Variants in CFAP91 observed in about 807,000 individuals in gnomAD.
CFAP91 encodes cilia and flagella associated protein 91, also known as cilia- and flagella-associated protein 91.
Under a neutral mutation model 95.9 loss-of-function variants are expected in CFAP91, and 85 were observed. That is an observed-to-expected ratio of 0.89 (90% CI 0.74 to 1.06). The LOEUF is 1.06. Among genes scored for constraint, CFAP91 ranks in the 50% least tolerant of loss-of-function variants. CFAP91 has a pLI of 0.00. For missense variants in CFAP91, 962 were observed against 943.4 expected, an observed-to-expected ratio of 1.02 and a Z score of -0.26; for synonymous variants, 335 against 327.5, an observed-to-expected ratio of 1.02 and a Z score of -0.25.
At chr3:119,710,000 A>T in intron 5 of CFAP91, 105 bp downstream of exon 5, 1 of 854,392 alleles carries the variant, frequency 1.2e-6, no homozygotes, top group South Asian at 1.5e-5. Context: ...CAAATTGTGG[A>T]TCACAAAACA....
In CFAP91 at chr3:119,707,401, TAGAGA is replaced by T. The variant is rs1373629349; in HGVS notation, c.202-1_205del. ...GTCCTTTGCCTCCCTTCTCTAACAT[TAGAGA>T]AAAGTTCCCAGGTTTAAAACCATGT... On this transcript the variant is annotated splice_acceptor_variant and coding_sequence_variant, in exon 3 of 18. Transcript: ENST00000273390. LOFTEE classifies it high-confidence loss of function. 5.9e-6 allele frequency: 9 copies of T among 1,534,280 alleles called. No individual in the cohort carries two copies. Among genetic ancestry groups the T allele is most frequent in the Non-Finnish European group, 8.0e-6 (9 of 1,129,458 alleles).
At chr3:119,753,623 G>C (rs2054368804) in intron 17 of CFAP91, among the ~76,000 whole-genome samples, 1 of 152,178 alleles carries the variant, frequency 6.6e-6, no homozygotes. Context: ...GATAGAAACA[G>C]ACCTAAAAGG....
chr3:119,710,464 T>TGAGGGTGGAGTCCTC (rs1365064607), intron 5 of CFAP91: 1 of 152,400 alleles, frequency 6.6e-6, no homozygotes, highest in African/African-American at 2.4e-5. Context: ...AATCCATTGA[T>TGAGGGTGGAGTCCTC]GAGGGTGGAG....
At chr3:119,712,202 C>T (rs1274755158) in intron 5 of CFAP91, among the ~76,000 whole-genome samples, 1 of 152,202 alleles carries the variant, frequency 6.6e-6, no homozygotes, top group East Asian at 1.9e-4. Flanking sequence ...ATATTTTACT[C>T]TCCCCTAAAG....
intron 3 of CFAP91, 105 bp from the exon 4 acceptor site, chr3:119,708,486 T>G: frequency 2.2e-5 from 16 of 722,804 alleles, no homozygotes; most frequent in Non-Finnish European, 3.3e-5. Flanking sequence ...ACTCTCAGTA[T>G]GAGATACTCT....
intron 10 of CFAP91, among the ~76,000 whole-genome samples, chr3:119,736,517 C>T (rs891051167): frequency 6.6e-6 from 1 of 151,976 alleles, no homozygotes; most frequent in African/African-American, 2.4e-5. Flanking sequence ...ACCTCGTGAT[C>T]CACCCTCCTC....
chr3:119,708,957 G>C (rs1577196522), intron 4 of CFAP91, among the ~76,000 whole-genome samples: 1 of 151,532 alleles, frequency 6.6e-6, no homozygotes, highest in East Asian at 1.9e-4. Flanking sequence ...AAGCCTGCCT[G>C]ACTTTAGAGA....
intron 8 of CFAP91, among the ~76,000 whole-genome samples, chr3:119,730,869 G>A (rs1005970113): frequency 2.0e-5 from 3 of 152,122 alleles, no homozygotes; most frequent in Non-Finnish European, 4.4e-5. Flanking sequence ...AAAAGAGGAA[G>A]TATATGGTTT....
At chr3:119,753,472 G>T (rs2054364876) in intron 17 of CFAP91, among the ~76,000 whole-genome samples, 1 of 152,266 alleles carries the variant, frequency 6.6e-6, no homozygotes, top group South Asian at 2.1e-4. Context: ...CAAGGAACCT[G>T]CCAGAAATAA....
At chr3:119,716,080 G>A (rs1002964781) in intron 6 of CFAP91, 3 of 488,680 alleles carry the variant, frequency 6.1e-6, no homozygotes, top group Non-Finnish European at 1.1e-5. Context: ...TTAAACATAA[G>A]CTTTGAGTGT....
At chr3:119,722,702 C>T (rs1473443289) in intron 6 of CFAP91, among the ~76,000 whole-genome samples, 10 of 151,870 alleles carry the variant, frequency 6.6e-5, no homozygotes, top group Non-Finnish European at 1.5e-5. Context: ...ATTATGTTGC[C>T]CAGGCTGGTC....
At chr3:119,715,172 G>A (rs2053549422) in intron 5 of CFAP91, among the ~76,000 whole-genome samples, 1 of 152,040 alleles carries the variant, frequency 6.6e-6, no homozygotes, top group Non-Finnish European at 1.5e-5. Flanking sequence ...ATTTCTGGAG[G>A]GAAACAGAGA....
intron 5 of CFAP91, chr3:119,715,336 G>C (rs1395029014): frequency 1.5e-6 from 1 of 663,074 alleles, no homozygotes; most frequent in East Asian, 2.9e-5. Context: ...GTCAACCATG[G>C]TACTTTGACC....
chr3:119,737,332 A>C (rs1373044395), intron 10 of CFAP91, 34 bp from the exon 11 acceptor site: 1 of 1,352,260 alleles, frequency 7.4e-7, no homozygotes. Context: ...ATTTTTGTTA[A>C]AAAAAGAGAT....
At chr3:119,743,338 G>A (rs1465031084) in intron 13 of CFAP91, among the ~76,000 whole-genome samples, 1 of 151,834 alleles carries the variant, frequency 6.6e-6, no homozygotes, top group Non-Finnish European at 1.5e-5. Context: ...GGCTGGTCTC[G>A]AACTCCTGAC....
intron 5 of CFAP91, chr3:119,713,063 T>TA (rs2053502915): frequency 1.3e-5 from 2 of 152,200 alleles, no homozygotes; most frequent in Non-Finnish European, 2.9e-5. Context: ...AAATGCTTTT[T>TA]TAAAAAATTT....
Position 119,707,496 on chromosome 3 carries a change from A to T in CFAP91, c.294A>T (p.Pro98=). 1.9e-6 allele frequency: 3 copies of T among 1,599,284 alleles called. No homozygotes were observed. The highest frequency in any genetic ancestry group is 2.6e-6 in the Non-Finnish European group (3 of 1,169,818). ...GGAGCAAGTCAGATCCTGTCCCACC[A>T]TTTATCAGTCGGGAATGGAAGGGAC... is the stretch of plus-strand genomic sequence containing the variant. ...LYWSKSDPVP[P]FISREWKGHK... The change falls in exon 3 of 18, where the codon CCA becomes CCT. Residue 98 remains proline (P), a synonymous_variant. Coordinates refer to ENST00000273390, the MANE Select transcript of CFAP91 (RefSeq NM_033364.4).
At chr3:119,709,926 C>T (rs1279495937) in intron 5 of CFAP91, 31 bp downstream of exon 5, 1 of 1,510,752 alleles carries the variant, frequency 6.6e-7, no homozygotes, top group South Asian at 1.1e-5. Context: ...AACTCTTTTT[C>T]AGTTTATTTA....
At chr3:119,739,785 A>AT (rs891725662) in intron 12 of CFAP91, among the ~76,000 whole-genome samples, 6 of 152,286 alleles carry the variant, frequency 3.9e-5, no homozygotes, top group African/African-American at 1.4e-4. Context: ...AACCTTTACT[A>AT]TATGCCCACA....
Sources: gnomAD v4.1 joint callset for allele counts (sites outside exome capture counted in the v4.1 genomes callset) on GRCh38, gnomAD v4.1.1 for gene constraint, MANE v1.5 for transcripts, NCBI Gene and HGNC (gene_info 2026-07-23, HGNC 2026-07-21) for gene names.